TNFSF13B: variants seen among roughly 807,000 people sequenced by gnomAD.
TNFSF13B encodes tumor necrosis factor ligand superfamily member 13B.
A neutral mutation model predicts 29.1 loss-of-function variants in TNFSF13B; 8 were observed. The observed-to-expected ratio is 0.27, with a 90% CI of 0.16 to 0.50. The LOEUF (loss-of-function observed/expected upper bound fraction) is 0.50. Among genes scored for constraint, TNFSF13B ranks in the 20% least tolerant of loss-of-function variants. TNFSF13B has a pLI of 0.98. For missense variants in TNFSF13B, 248 were observed against 334.9 expected, an observed-to-expected ratio of 0.74 and a Z score of 2.03; for synonymous variants, 125 against 130.8, an observed-to-expected ratio of 0.96 and a Z score of 0.30.
intron 2 of TNFSF13B, among the ~76,000 whole-genome samples, chr13:108,274,380 T>C (rs199885580): frequency 5.2e-5 from 7 of 134,112 alleles, no homozygotes; most frequent in East Asian, 2.1e-4. Context: ...TATATATATA[T>C]ACATATATAT....
intron 2 of TNFSF13B, among the ~76,000 whole-genome samples, chr13:108,279,699 T>C (rs144251268): frequency 1.5e-3 from 230 of 152,284 alleles, no homozygotes; most frequent in Non-Finnish European, 2.4e-3. Context: ...ATGCAAATGA[T>C]GGGCTAGGAA....
chr13:108,281,503 C>G (rs1003661465), intron 2 of TNFSF13B, among the ~76,000 whole-genome samples: 2 of 152,104 alleles, frequency 1.3e-5, no homozygotes, highest in African/African-American at 4.8e-5. Context: ...GCATTTGAGA[C>G]CAAACCATCC....
chr13:108,291,717 T>C (rs957330108), intron 3 of TNFSF13B, among the ~76,000 whole-genome samples: 3 of 152,102 alleles, frequency 2.0e-5, no homozygotes, highest in African/African-American at 7.2e-5. Context: ...TGCTCTTTGT[T>C]TTTTGATATC....
At chr13:108,278,577 T>C (rs1221629465) in intron 2 of TNFSF13B, among the ~76,000 whole-genome samples, 1 of 4,024 alleles carries the variant, frequency 2.5e-4, no homozygotes, top group Non-Finnish European at 7.9e-4. Flanking sequence ...TACCCCCTCC[T>C]CTCCTCCTCC....
chr13:108,288,757 G>T (rs916907033), intron 3 of TNFSF13B, among the ~76,000 whole-genome samples: 8 of 152,184 alleles, frequency 5.3e-5, no homozygotes, highest in Admixed American at 2.6e-4. Flanking sequence ...TAGATGAGAC[G>T]AAATGCTGTG....
Position 108,299,386 on chromosome 13 carries a change from T to C in TNFSF13B, c.482-3867T>C, listed in dbSNP as rs1881548342. On this transcript the variant is annotated intron_variant, in intron 3 of 5. Coordinates refer to ENST00000375887, the MANE Select transcript of TNFSF13B (RefSeq NM_006573.5). ...GTTAGGCAGTTAGGATGTTACAATG[T>C]AGCAAATCTGGAAATCAAAATTACT... Among the ~76,000 whole-genome samples the C allele has an allele frequency of 1.8e-5, 2 of 111,722 alleles. 1 individual carries two copies. The highest frequency in any genetic ancestry group is 4.1e-5 in the Non-Finnish European group (2 of 48,784). The allele number at this position is 111,722 out of a possible 152,430, so 73.3% of individuals were successfully genotyped here. A position where few individuals can be genotyped will look rare whatever the true frequency, so the allele number is the denominator to read the frequency against.
intron 2 of TNFSF13B, among the ~76,000 whole-genome samples, chr13:108,277,786 G>A (rs987289489): frequency 6.6e-6 from 1 of 152,276 alleles, no homozygotes; most frequent in African/African-American, 2.4e-5. Flanking sequence ...CGGGAGTGTA[G>A]CAGTGAGAAC....
chr13:108,289,634 T>A (rs1020192), intron 3 of TNFSF13B, among the ~76,000 whole-genome samples: 31,082 of 147,580 alleles, frequency 0.21, 3,934 homozygotes, highest in East Asian at 0.43. Flanking sequence ...GGGAAAGAAT[T>A]TATATATATA....
chr13:108,293,265 T>A (rs145834456), intron 3 of TNFSF13B, among the ~76,000 whole-genome samples: 1 of 152,168 alleles, frequency 6.6e-6, no homozygotes, highest in African/African-American at 2.4e-5. Context: ...CTCTCAAATT[T>A]ATTTTGTTTC....
Position 108,308,399 on chromosome 13 carries a change from A to G in TNFSF13B, c.*1461A>G, listed in dbSNP as rs926547319. 5.9e-5 allele frequency: 9 copies of G among 152,110 alleles called. No individual in the cohort carries two copies. Among genetic ancestry groups the G allele is most frequent in the African/African-American group, 2.2e-4 (9 of 41,446 alleles). 9.4% of individuals were successfully genotyped at this position (152,110 alleles called of 1,614,324 possible). ...GAAGCGATAAGTGGAGTCAGTTTCAATGCTAGGTGGGGTGGTTAATGATTT... is the reference window on the plus strand; with the variant it reads ...GAAGCGATAAGTGGAGTCAGTTTCAGTGCTAGGTGGGGTGGTTAATGATTT... On this transcript the variant is annotated 3_prime_UTR_variant, in exon 6 of 6. Coordinates refer to ENST00000375887, the MANE Select transcript of TNFSF13B (RefSeq NM_006573.5).
rs1881009438 is a variant in TNFSF13B at position 108,283,217 on chromosome 13, C to T, written c.425-3586C>T. Among the ~76,000 whole-genome samples the T allele has an allele frequency of 2.6e-5, 4 of 152,278 alleles. No individual in the cohort carries two copies. The South Asian group carries it at 8.3e-4, about 32-fold the overall frequency. ...TGAAATAGTTGAAATTCGATAATAG[C>T]TATCAAATTTCCTAAAGCGAATTGC... On this transcript the variant is annotated intron_variant, in intron 2 of 5. Transcript: ENST00000375887.
chr13:108,301,615 G>A (rs1881625902), intron 3 of TNFSF13B, among the ~76,000 whole-genome samples: 1 of 152,166 alleles, frequency 6.6e-6, no homozygotes, highest in African/African-American at 2.4e-5. Flanking sequence ...GTAGAGAGTA[G>A]AATGGTGTTG....
At chr13:108,299,773 C>T (rs371303117) in intron 3 of TNFSF13B, among the ~76,000 whole-genome samples, 8 of 151,894 alleles carry the variant, frequency 5.3e-5, no homozygotes, top group East Asian at 1.9e-4. Context: ...TGTGGATGTG[C>T]GTATGTGTGT....
intron 3 of TNFSF13B, among the ~76,000 whole-genome samples, chr13:108,295,711 T>C (rs1247824874): frequency 6.9e-6 from 1 of 145,720 alleles, no homozygotes; most frequent in Non-Finnish European, 1.5e-5. Flanking sequence ...CTGCTTCCTA[T>C]GAATATTGCT....
chr13:108,308,191 C>A lies in TNFSF13B; in HGVS notation c.*1253C>A, dbSNP rs1026020018. On this transcript the variant is annotated 3_prime_UTR_variant, in exon 6 of 6. Coordinates refer to ENST00000375887, the MANE Select transcript of TNFSF13B (RefSeq NM_006573.5). ...TAGATGCCAGTCTATGAAAATCTTC[C>A]CATCTATATCAAAATACTTTTCAAG... 5.9e-5 allele frequency: 9 copies of A among 151,984 alleles called. No homozygotes were observed. The highest frequency in any genetic ancestry group is 1.9e-4 in the African/African-American group (8 of 41,386). The allele number at this position is 151,984 out of a possible 1,614,324, so 9.4% of individuals were successfully genotyped here.
At chr13:108,272,463 TG>T (rs1450892269) in intron 2 of TNFSF13B, among the ~76,000 whole-genome samples, 4 of 152,184 alleles carry the variant, frequency 2.6e-5, no homozygotes, top group African/African-American at 9.6e-5. Context: ...CCTGCCACTT[TG>T]ACTTTTTCAT....
Position 108,299,152 on chromosome 13 carries a change from T to C in TNFSF13B, c.482-4101T>C, listed in dbSNP as rs1049579279. Among the ~76,000 whole-genome samples, 5 of 146,352 alleles carry C rather than the reference T, an allele frequency of 3.4e-5. 1 individual carries two copies. The highest frequency in any genetic ancestry group is 1.3e-4 in the Admixed American group (2 of 14,844). On this transcript the variant is annotated intron_variant, in intron 3 of 5. Coordinates refer to ENST00000375887, the MANE Select transcript of TNFSF13B (RefSeq NM_006573.5). ...TGGATTATTCCTCAGTATTTCATTT[T>C]TTGAGGTAATAATCTCAATGCCATT...
intron 5 of TNFSF13B, among the ~76,000 whole-genome samples, chr13:108,306,062 G>T (rs765712474): frequency 2.6e-5 from 4 of 152,010 alleles, no homozygotes; most frequent in Non-Finnish European, 4.4e-5. Context: ...TTGTTTTGAA[G>T]TGGGGTAAAT....
chr13:108,302,425 C>A (rs994986891), intron 3 of TNFSF13B, among the ~76,000 whole-genome samples: 3 of 152,172 alleles, frequency 2.0e-5, no homozygotes, highest in Non-Finnish European at 2.9e-5. Flanking sequence ...TCAACACACC[C>A]ATGAGAAATC....
Sources: allele counts gnomAD v4.1 joint callset (sites outside exome capture counted in the v4.1 genomes callset), GRCh38; gene constraint gnomAD v4.1.1; transcripts MANE v1.5; gene names NCBI Gene and HGNC (gene_info 2026-07-23, HGNC 2026-07-21).